The following ZSCAN12 variants were observed in gnomAD, a reference collection of about 807,000 sequenced individuals.
The protein encoded by ZSCAN12 is zinc finger and SCAN domain containing 12, also known as zinc finger and SCAN domain-containing protein 12.
Under a neutral mutation model 23.4 loss-of-function variants are expected in ZSCAN12, and 18 were observed. The observed-to-expected ratio is 0.77, with a 90% CI of 0.53 to 1.14. The LOEUF is 1.14. ZSCAN12 is among the 50% of genes most tolerant of loss of function. The pLI, the probability that ZSCAN12 is intolerant of heterozygous loss-of-function variation, is 0.00. For synonymous variants in ZSCAN12, 186 were observed against 253.4 expected (o/e 0.73, Z 2.53); for missense variants, 650 against 735.0 (o/e 0.88, Z 1.34).
chr6:28,390,660 G>T lies in ZSCAN12; in HGVS notation c.1630C>A (p.Gln544Lys). 1 of 1,613,544 alleles carries T rather than the reference G, an allele frequency of 6.2e-7. No homozygotes were observed. The highest frequency in any genetic ancestry group is 8.5e-7 in the Non-Finnish European group (1 of 1,179,770). The change falls in exon 4 of 4, where the codon CAG (glutamine) becomes AAG (lysine). Residue 544 changes from glutamine (Q) to lysine (K), a missense_variant. Coordinates refer to ENST00000684592, the MANE Select transcript of ZSCAN12 (RefSeq NM_001163391.2). ...GGCTTCTCCCCAGTGTGGATTCTCT[G>T]ATGCTGAATGAGGCTGGTGATTCCT... ...FRGITSLIQH[Q>K]RIHTGEKPYQ... is the part of the protein sequence containing the mutation.
chr6:28,382,609 C>T (rs1760315419), downstream of ZSCAN12: 1 of 1,551,100 alleles, frequency 6.4e-7, no homozygotes, highest in African/African-American at 1.4e-5. Flanking sequence ...TGGTCTTCTT[C>T]CTGAGGCATA....
Position 28,386,644 on chromosome 6 carries a change from A to G in ZSCAN12, c.*3810T>C, listed in dbSNP as rs1213592630. Among the ~76,000 whole-genome samples, 5 of 152,166 alleles carry G rather than the reference A, an allele frequency of 3.3e-5. No individual in the cohort carries two copies. In the East Asian group the frequency reaches 7.7e-4, roughly 23 times the overall value. ...GCCCCTCAGGGCCTTCAATTTGCCTATATTGCCAATTTAGCTCCAATTAGT... is the reference window on the plus strand; with the variant it reads ...GCCCCTCAGGGCCTTCAATTTGCCTGTATTGCCAATTTAGCTCCAATTAGT... On this transcript the variant is annotated 3_prime_UTR_variant, in exon 4 of 4. Transcript: ENST00000684592.
chr6:28,389,560 T>C lies in ZSCAN12; in HGVS notation c.*894A>G, dbSNP rs2113975236. Among the ~76,000 whole-genome samples the C allele has an allele frequency of 6.6e-6, 1 of 152,260 alleles. No homozygotes were observed. The highest frequency in any genetic ancestry group is 1.9e-4 in the East Asian group (1 of 5,180). ...AGCTATAAAAATGAAGATTCTCAAC[T>C]CCCATCCTAGGCCTAATGAAGCAGA... On this transcript the variant is annotated 3_prime_UTR_variant, in exon 4 of 4. Coordinates refer to ENST00000684592, the MANE Select transcript of ZSCAN12 (RefSeq NM_001163391.2).
downstream of ZSCAN12, chr6:28,382,744 G>A (rs1760324105): frequency 2.2e-6 from 3 of 1,380,842 alleles, no homozygotes; most frequent in Admixed American, 8.9e-5. Flanking sequence ...GAAAGCAAAA[G>A]TGACTGCAAA....
chr6:28,396,943 T>G (rs1056325422), intron 2 of ZSCAN12, among the ~76,000 whole-genome samples: 1 of 152,146 alleles, frequency 6.6e-6, no homozygotes, highest in African/African-American at 2.4e-5. Flanking sequence ...TTGCCACATG[T>G]TCCTACCCTC....
At position 28,398,419 on chromosome 6, in the gene ZSCAN12, G is replaced by T. The variant is rs141821653; in HGVS notation, c.-14C>A. On this transcript the variant is annotated 5_prime_UTR_variant, in exon 2 of 4. Transcript: ENST00000684592. Reference sequence around the variant, plus strand: ...AGTAGATGCCATTTTAGCTGTGCTAGAACTACCGGTGTTTCAAGTAAGATC... The same window carrying T: ...AGTAGATGCCATTTTAGCTGTGCTATAACTACCGGTGTTTCAAGTAAGATC... 5 of 1,523,792 alleles carry T rather than the reference G, an allele frequency of 3.3e-6. No individual in the cohort carries two copies. Among genetic ancestry groups the T allele is most frequent in the Non-Finnish European group, 4.4e-6 (5 of 1,131,650 alleles). 94.4% of individuals were successfully genotyped at this position (1,523,792 alleles called of 1,614,324 possible). A position where few individuals can be genotyped will look rare whatever the true frequency, so the allele number is the denominator to read the frequency against.
At chr6:28,396,764 C>A (rs1761126687) in intron 2 of ZSCAN12, among the ~76,000 whole-genome samples, 1 of 151,946 alleles carries the variant, frequency 6.6e-6, no homozygotes, top group Admixed American at 6.6e-5. Flanking sequence ...CCTGCCACAC[C>A]CGGCTGACTT....
chr6:28,388,428 T>C lies in ZSCAN12; in HGVS notation c.*2026A>G, dbSNP rs1304867734. On this transcript the variant is annotated 3_prime_UTR_variant, in exon 4 of 4. Coordinates refer to ENST00000684592, the MANE Select transcript of ZSCAN12 (RefSeq NM_001163391.2). ...ATTATGACTTCTATGGGAATATGTG[T>C]TCATATTTACAACTTAGCTAGAAAC... Among the ~76,000 whole-genome samples, 1 of 152,162 alleles carries C rather than the reference T, an allele frequency of 6.6e-6. No individual in the cohort carries two copies. The highest frequency in any genetic ancestry group is 1.5e-5 in the Non-Finnish European group (1 of 68,032).
rs1016489969 is a variant in ZSCAN12 at position 28,389,003 on chromosome 6, T to A, written c.*1451A>T. Among the ~76,000 whole-genome samples the A allele has an allele frequency of 6.6e-6, 1 of 152,138 alleles. No individual in the cohort carries two copies. The highest frequency in any genetic ancestry group is 1.5e-5 in the Non-Finnish European group (1 of 68,018). On this transcript the variant is annotated 3_prime_UTR_variant, in exon 4 of 4. Transcript: ENST00000684592. ...GCAAGGCAAGGTTAGAGTCAACCAG[T>A]TTTGGTTGATTCATTTTTCAGAAGC...
At chr6:28,382,747 A>G, downstream of ZSCAN12, 2 of 1,368,238 alleles carry the variant, frequency 1.5e-6, no homozygotes, top group Non-Finnish European at 1.9e-6. Flanking sequence ...AGCAAAAGTG[A>G]CTGCAAATTA....
chr6:28,383,448 T>A (rs951550838), downstream of ZSCAN12, among the ~76,000 whole-genome samples: 1 of 152,130 alleles, frequency 6.6e-6, no homozygotes, highest in Non-Finnish European at 1.5e-5. Flanking sequence ...TGTCTCAGCA[T>A]TCAGCTTCTC....
rs1013220892 is a variant in ZSCAN12 at position 28,391,389 on chromosome 6, G to T, written c.901C>A (p.Pro301Thr). 1 of 1,551,686 alleles carries T rather than the reference G, an allele frequency of 6.4e-7. No individual in the cohort carries two copies. Among genetic ancestry groups the T allele is most frequent in the Non-Finnish European group, 8.7e-7 (1 of 1,146,798 alleles). ...TTTCCACATTCTTCGCATTTGTAGG[G>T]TCTATCTCCAGTATGGATCCTCTGA... Reference protein sequence around the residue: ...EHQRIHTGDRPYKCEECGKAF... With the variant: ...EHQRIHTGDRTYKCEECGKAF... The change falls in exon 4 of 4, where the codon CCC becomes ACC. Residue 301 changes from proline (P) to threonine (T), a missense_variant. By Grantham distance (38) the Pro-to-Thr change is conservative. Coordinates refer to ENST00000684592, the MANE Select transcript of ZSCAN12 (RefSeq NM_001163391.2). The surrounding 1 kb of genome is among the most constrained non-coding windows in gnomAD (Gnocchi z 4.1).
chr6:28,387,031 T>C lies in ZSCAN12; in HGVS notation c.*3423A>G, dbSNP rs1027729364. 2.0e-5 allele frequency among the ~76,000 whole-genome samples: 3 copies of C among 152,278 alleles called. No homozygotes were observed. The highest frequency in any genetic ancestry group is 2.0e-4 in the Admixed American group (3 of 15,296). ...TTAGTGGAGATGGGGTTTCACCACATTGTCAAGATGGTCTCAACCTCCTGA... is the reference window on the plus strand; with the variant it reads ...TTAGTGGAGATGGGGTTTCACCACACTGTCAAGATGGTCTCAACCTCCTGA... On this transcript the variant is annotated 3_prime_UTR_variant, in exon 4 of 4. Coordinates refer to ENST00000684592, the MANE Select transcript of ZSCAN12 (RefSeq NM_001163391.2).
chr6:28,379,391 G>A (rs1760113530), exon 5 of ZSCAN12: 2 of 152,154 alleles, frequency 1.3e-5, no homozygotes, highest in African/African-American at 4.8e-5. Flanking sequence ...CACAAGGTCA[G>A]GAGTTCGAGA....
In ZSCAN12 at chr6:28,389,180, A is replaced by C. The variant is rs1367517670; in HGVS notation, c.*1274T>G. Among the ~76,000 whole-genome samples the C allele has an allele frequency of 6.6e-6, 1 of 152,238 alleles. No individual in the cohort carries two copies. The highest frequency in any genetic ancestry group is 1.5e-5 in the Non-Finnish European group (1 of 68,052). On this transcript the variant is annotated 3_prime_UTR_variant, in exon 4 of 4. Transcript: ENST00000684592. ...TGAGAAATAAAAGAAGGTAAAGCAT[A>C]AAACAGAGAAGAGCACCAGGCCCTC...
chr6:28,382,315 A>T (rs1225361659), downstream of ZSCAN12: 14 of 1,000,758 alleles, frequency 1.4e-5, no homozygotes, highest in Non-Finnish European at 1.8e-5. Flanking sequence ...TGTGAAGTCC[A>T]AGTGGCTTTT....
chr6:28,399,614 C>G (rs1761311628), intron 1 of ZSCAN12, 43 bp downstream of exon 1: 1 of 152,474 alleles, frequency 6.6e-6, no homozygotes, highest in Non-Finnish European at 1.5e-5. Flanking sequence ...ACAGCAATCT[C>G]CCGCCCACCT....
downstream of ZSCAN12, chr6:28,378,860 G>A (rs1349235162): frequency 1.1e-4 from 17 of 152,030 alleles, no homozygotes; most frequent in Non-Finnish European, 2.5e-4. Flanking sequence ...TGCAAGGTTG[G>A]TTCAATATTA....
At chr6:28,381,086 G>A (rs1040150739), downstream of ZSCAN12, 2 of 152,186 alleles carry the variant, frequency 1.3e-5, no homozygotes, top group South Asian at 2.1e-4. Flanking sequence ...GGCAGAAAGA[G>A]ACTGGAAGTG....
Sources: allele counts gnomAD v4.1 joint callset (sites outside exome capture counted in the v4.1 genomes callset), GRCh38; gene constraint gnomAD v4.1.1; non-coding constraint Gnocchi (gnomAD v3.1); transcripts MANE v1.5; gene names NCBI Gene and HGNC (gene_info 2026-07-23, HGNC 2026-07-21).